RGS3: variants seen among roughly 807,000 people sequenced by gnomAD.
The protein encoded by RGS3 is regulator of G-protein signalling 3.
A neutral mutation model predicts 132.6 loss-of-function variants in RGS3; 80 were observed. That is an observed-to-expected ratio of 0.60 (90% CI 0.50 to 0.73). The LOEUF (loss-of-function observed/expected upper bound fraction) is 0.73, where lower values mean the gene tolerates loss of function less well. Among genes scored for constraint, RGS3 ranks in the 30% least tolerant of loss-of-function variants. The pLI is 0.00. For missense variants in RGS3, 1,382 were observed against 1,530.8 expected (o/e 0.90, Z 1.62); for synonymous variants, 598 against 620.6 (o/e 0.96, Z 0.54).
intron 19 of RGS3, among the ~76,000 whole-genome samples, chr9:113,543,423 G>A (rs574687957): frequency 5.3e-5 from 8 of 152,326 alleles, no homozygotes; most frequent in South Asian, 2.1e-4. Flanking sequence ...GGATCTGCCC[G>A]TGACCAGACC....
chr9:113,510,044 A>G (rs941242089), intron 14 of RGS3, among the ~76,000 whole-genome samples: 1 of 152,222 alleles, frequency 6.6e-6, no homozygotes, highest in Non-Finnish European at 1.5e-5. Flanking sequence ...TAACCCGAGC[A>G]GAATATACTG....
chr9:113,585,548 G>C (rs1835076761), intron 20 of RGS3, among the ~76,000 whole-genome samples: 2 of 152,236 alleles, frequency 1.3e-5, no homozygotes, highest in Non-Finnish European at 2.9e-5. Flanking sequence ...CAGGAGGACA[G>C]ACCCCAGGGC....
In RGS3 at chr9:113,595,782, G is replaced by C. The variant is rs1257564466; in HGVS notation, c.3411+17G>C. 6.2e-7 allele frequency: 1 copy of C among 1,610,182 alleles called. No homozygotes were observed. The highest frequency in any genetic ancestry group is 2.2e-5 in the East Asian group (1 of 44,832). ...TGCAAGGAGGTAGGACCTCAGGGCA[G>C]ACCCTCCGCTCCTCCAATCCCCAGG... On this transcript the variant is annotated intron_variant, in intron 24 of 24. Transcript: ENST00000350696.
chr9:113,492,769 G>T (rs970193448), intron 7 of RGS3, among the ~76,000 whole-genome samples: 3 of 152,204 alleles, frequency 2.0e-5, no homozygotes, highest in Non-Finnish European at 4.4e-5. Flanking sequence ...TTCAAAAGCA[G>T]GCATAAGAAA....
intron 1 of RGS3, among the ~76,000 whole-genome samples, chr9:113,445,307 C>G (rs1436861365): frequency 1.3e-5 from 2 of 151,676 alleles, no homozygotes; most frequent in Admixed American, 1.3e-4. Flanking sequence ...AAGCGATTCT[C>G]CTGCCTCAGC....
At chr9:113,482,832 T>C in intron 4 of RGS3, 1 of 1,014,586 alleles carries the variant, frequency 9.9e-7, no homozygotes, top group Non-Finnish European at 1.4e-6. Context: ...TGCCAGAGAG[T>C]GGAAGATGGT....
intron 20 of RGS3, among the ~76,000 whole-genome samples, chr9:113,585,054 G>A (rs560149841): frequency 6.6e-6 from 1 of 152,380 alleles, no homozygotes; most frequent in East Asian, 1.9e-4. Context: ...ATATTTATAT[G>A]TAGATGAATA....
chr9:113,476,710 C>T (rs1035862208), intron 3 of RGS3, among the ~76,000 whole-genome samples: 2 of 152,242 alleles, frequency 1.3e-5, no homozygotes, highest in Non-Finnish European at 2.9e-5. Flanking sequence ...CCTGTCCTAG[C>T]CACTGGGCTG....
intron 3 of RGS3, among the ~76,000 whole-genome samples, chr9:113,471,933 A>G (rs1231403370): frequency 6.6e-6 from 1 of 152,200 alleles, no homozygotes; most frequent in Non-Finnish European, 1.5e-5. Context: ...GAACTCCCAT[A>G]AAAAGATGAG....
intron 4 of RGS3, among the ~76,000 whole-genome samples, chr9:113,479,802 A>G (rs1395854658): frequency 5.9e-5 from 9 of 152,104 alleles, no homozygotes; most frequent in Admixed American, 1.3e-4. Flanking sequence ...GGGTACCTCA[A>G]CTTCCTTCTT....
At chr9:113,559,074 G>A (rs919858094) in intron 19 of RGS3, among the ~76,000 whole-genome samples, 2 of 152,234 alleles carry the variant, frequency 1.3e-5, no homozygotes, top group African/African-American at 4.8e-5. Flanking sequence ...CCTTTGTTTT[G>A]ATGGCTTGGG....
intron 10 of RGS3, among the ~76,000 whole-genome samples, chr9:113,502,481 G>A (rs1023565505): frequency 1.3e-5 from 2 of 152,218 alleles, no homozygotes; most frequent in South Asian, 2.1e-4. Flanking sequence ...TGCCTGCTAG[G>A]GGATCCAGTG....
At chr9:113,548,181 A>G (rs956333085) in intron 19 of RGS3, among the ~76,000 whole-genome samples, 1 of 152,228 alleles carries the variant, frequency 6.6e-6, no homozygotes, top group Non-Finnish European at 1.5e-5. Context: ...CAAGTGAAAG[A>G]GGCAAAAACT....
chr9:113,459,194 T>C (rs1829418399), upstream of RGS3, among the ~76,000 whole-genome samples: 1 of 152,268 alleles, frequency 6.6e-6, no homozygotes, highest in Non-Finnish European at 1.5e-5. Context: ...TGTTTTTTCC[T>C]ATGTTCTGAA....
intron 16 of RGS3, among the ~76,000 whole-genome samples, chr9:113,519,520 A>T (rs1258511761): frequency 6.6e-6 from 1 of 152,126 alleles, no homozygotes; most frequent in Non-Finnish European, 1.5e-5. Context: ...CAAAAAAAAA[A>T]AAAAAAAAAA....
intron 14 of RGS3, among the ~76,000 whole-genome samples, chr9:113,512,757 G>A (rs1463727850): frequency 6.6e-6 from 1 of 152,220 alleles, no homozygotes; most frequent in Non-Finnish European, 1.5e-5. Context: ...TGCCCATACA[G>A]TAGCAGGAAT....
chr9:113,587,523 G>A (rs1046293751), intron 20 of RGS3, among the ~76,000 whole-genome samples: 9 of 152,286 alleles, frequency 5.9e-5, no homozygotes, highest in Non-Finnish European at 8.8e-5. Context: ...GGAGTCCCCC[G>A]GGAGTTGTCC....
chr9:113,594,251 G>T, intron 21 of RGS3, 179 bp from the exon 20 acceptor site: 5 of 1,611,986 alleles, frequency 3.1e-6, no homozygotes, highest in Non-Finnish European at 3.4e-6. Flanking sequence ...CCAATCTGCG[G>T]CCCCAAGGTG....
intron 19 of RGS3, among the ~76,000 whole-genome samples, chr9:113,547,626 A>T (rs565177654): frequency 1.2e-4 from 18 of 152,372 alleles, no homozygotes; most frequent in African/African-American, 3.1e-4. Context: ...CACCAACCTA[A>T]TATGTATGCA....
Sources: gnomAD v4.1 joint callset for allele counts (sites outside exome capture counted in the v4.1 genomes callset) on GRCh38, gnomAD v4.1.1 for gene constraint, MANE v1.5 for transcripts, NCBI Gene and HGNC (gene_info 2026-07-23, HGNC 2026-07-21) for gene names.